Variants in KCTD8 observed in about 807,000 individuals in gnomAD.
KCTD8 encodes potassium channel tetramerization domain containing 8.
In KCTD8, 27 loss-of-function variants were observed where a neutral mutation model predicts 31.5. The observed-to-expected ratio is 0.86, with a 90% CI of 0.63 to 1.18. The LOEUF (loss-of-function observed/expected upper bound fraction) is 1.18, where lower values mean the gene tolerates loss of function less well. KCTD8 is among the 50% of genes most tolerant of loss of function. The pLI, the probability that KCTD8 is intolerant of heterozygous loss-of-function variation, is 0.00. For missense variants in KCTD8, 658 were observed against 647.7 expected (o/e 1.02, Z -0.17); for synonymous variants, 290 against 280.0 (o/e 1.04, Z -0.36).
At chr4:44,374,639 T>C (rs1472202072) in intron 1 of KCTD8, among the ~76,000 whole-genome samples, 2 of 152,164 alleles carry the variant, frequency 1.3e-5, no homozygotes, top group Non-Finnish European at 2.9e-5. Flanking sequence ...GTCAGAGACA[T>C]GTGACTCATT....
intron 1 of KCTD8, among the ~76,000 whole-genome samples, chr4:44,292,980 C>A (rs1316808078): frequency 1.3e-5 from 2 of 151,986 alleles, no homozygotes; most frequent in African/African-American, 4.8e-5. Context: ...CCTTTTCAAG[C>A]CTCCTTGTAA....
intron 1 of KCTD8, among the ~76,000 whole-genome samples, chr4:44,179,254 T>G (rs1267893727): frequency 7.2e-5 from 11 of 151,884 alleles, no homozygotes; most frequent in Non-Finnish European, 1.6e-4. Context: ...CAATGACAAA[T>G]AATATGGGCC....
intron 1 of KCTD8, among the ~76,000 whole-genome samples, chr4:44,373,238 G>A (rs1560438776): frequency 6.6e-6 from 1 of 152,186 alleles, no homozygotes; most frequent in East Asian, 1.9e-4. Flanking sequence ...GTGCATGCCT[G>A]TAGTCCCAGC....
intron 1 of KCTD8, among the ~76,000 whole-genome samples, chr4:44,313,736 C>A (rs546357978): frequency 6.6e-6 from 1 of 152,184 alleles, no homozygotes; most frequent in Non-Finnish European, 1.5e-5. Flanking sequence ...AATAAGAAAC[C>A]TAGTTTAATA....
In KCTD8 at chr4:44,442,091, T is replaced by G. The variant is rs1721824188; in HGVS notation, c.961+5472A>C. Among the ~76,000 whole-genome samples, 3 of 152,236 alleles carry G rather than the reference T, an allele frequency of 2.0e-5. No homozygotes were observed. In the South Asian group the frequency reaches 6.2e-4, roughly 32 times the overall value. On this transcript the variant is annotated intron_variant, in intron 1 of 1. Coordinates refer to ENST00000360029, the MANE Select transcript of KCTD8 (RefSeq NM_198353.3). ...GACTTTTTAAAAATATGTCTTTTTA[T>G]CTATGTGTACACAGAAAAAAGACTG...
intron 1 of KCTD8, among the ~76,000 whole-genome samples, chr4:44,296,868 C>G (rs1305733552): frequency 6.6e-6 from 1 of 151,988 alleles, no homozygotes; most frequent in African/African-American, 2.4e-5. Flanking sequence ...ATTATACTAT[C>G]CTCAGGGTCA....
intron 1 of KCTD8, among the ~76,000 whole-genome samples, chr4:44,380,558 TTTA>T (rs1374760114): frequency 6.6e-6 from 1 of 151,700 alleles, no homozygotes; most frequent in Non-Finnish European, 1.5e-5. Context: ...TTAATATAAT[TTTA>T]TTATTTAAAA....
At chr4:44,229,279 C>A (rs555390516) in intron 1 of KCTD8, among the ~76,000 whole-genome samples, 32 of 152,092 alleles carry the variant, frequency 2.1e-4, no homozygotes, top group Admixed American at 6.5e-5. Context: ...GATTAATTGG[C>A]AGCAGGTGCC....
chr4:44,410,249 G>T lies in KCTD8; in HGVS notation c.961+37314C>A, dbSNP rs61562329. 4.1e-3 allele frequency among the ~76,000 whole-genome samples: 622 copies of T among 152,180 alleles called. 11 individuals are homozygous for T. The highest frequency in any genetic ancestry group is 0.015 in the African/African-American group (612 of 41,512). ...ATTGCCTTCAAAATAAGTATGGCCC[G>T]CTTGTTTGATGGATCTCAACATCAC... is the stretch of plus-strand genomic sequence containing the variant. On this transcript the variant is annotated intron_variant, in intron 1 of 1. Coordinates refer to ENST00000360029, the MANE Select transcript of KCTD8 (RefSeq NM_198353.3).
intron 1 of KCTD8, among the ~76,000 whole-genome samples, chr4:44,266,413 C>G (rs1037838785): frequency 6.6e-6 from 1 of 152,168 alleles, no homozygotes; most frequent in African/African-American, 2.4e-5. Flanking sequence ...TGGAAAGGAA[C>G]AACTGGTACC....
At chr4:44,413,967 T>G (rs1273383180) in intron 1 of KCTD8, among the ~76,000 whole-genome samples, 3 of 152,102 alleles carry the variant, frequency 2.0e-5, no homozygotes, top group Non-Finnish European at 2.9e-5. Flanking sequence ...AGACAAGGAA[T>G]GTGGACAACA....
intron 1 of KCTD8, among the ~76,000 whole-genome samples, chr4:44,386,467 C>A (rs1002767955): frequency 4.6e-5 from 7 of 151,454 alleles, no homozygotes; most frequent in African/African-American, 1.7e-4. Context: ...TCCCAAAAGA[C>A]ATACAAATGG....
At chr4:44,295,764 C>T (rs1196530405) in intron 1 of KCTD8, among the ~76,000 whole-genome samples, 2 of 152,074 alleles carry the variant, frequency 1.3e-5, no homozygotes, top group Non-Finnish European at 2.9e-5. Flanking sequence ...AAAACACCTC[C>T]CAGAGGCTCC....
At chr4:44,287,868 T>C (rs933002727) in intron 1 of KCTD8, among the ~76,000 whole-genome samples, 25 of 152,208 alleles carry the variant, frequency 1.6e-4, no homozygotes, top group Non-Finnish European at 3.5e-4. Context: ...GTGTTTATTA[T>C]GTTTCTGCAT....
intron 1 of KCTD8, among the ~76,000 whole-genome samples, chr4:44,313,717 T>C (rs1366438412): frequency 6.6e-6 from 1 of 152,178 alleles, no homozygotes; most frequent in Non-Finnish European, 1.5e-5. Flanking sequence ...AATGGAGATA[T>C]GATATCCTAA....
At chr4:44,382,703 C>T (rs1255000401) in intron 1 of KCTD8, among the ~76,000 whole-genome samples, 2 of 149,330 alleles carry the variant, frequency 1.3e-5, no homozygotes, top group African/African-American at 4.9e-5. Flanking sequence ...GCATACCAGC[C>T]TGGGCAACAG....
At position 44,300,866 on chromosome 4, in the gene KCTD8, CT is replaced by C. The variant is rs1225664884; in HGVS notation, c.962-125617del. Among the ~76,000 whole-genome samples, 4 of 119,174 alleles carry C rather than the reference CT, an allele frequency of 3.4e-5. No homozygotes were observed. The East Asian group carries it at 1.2e-3, about 37-fold the overall frequency. 78.2% of individuals were successfully genotyped at this position (119,174 alleles called of 152,430 possible). ...TATCTCCCAAAGCTATCCCTCTCCC[CT>C]CCCCCCACCCCACAACAGTCCCCAG... is the stretch of plus-strand genomic sequence containing the variant. On this transcript the variant is annotated intron_variant, in intron 1 of 1. Transcript: ENST00000360029.
chr4:44,201,288 A>T (rs1714142540), intron 1 of KCTD8, among the ~76,000 whole-genome samples: 1 of 152,116 alleles, frequency 6.6e-6, no homozygotes, highest in Non-Finnish European at 1.5e-5. Flanking sequence ...ATCATTTTTC[A>T]CAGAATTAGG....
Position 44,237,398 on chromosome 4 carries a change from G to T in KCTD8, c.962-62148C>A, listed in dbSNP as rs146419750. Among the ~76,000 whole-genome samples, 466 of 152,250 alleles carry T rather than the reference G, an allele frequency of 3.1e-3. 1 individual carries two copies. Among genetic ancestry groups the T allele is most frequent in the Non-Finnish European group, 4.4e-3 (299 of 68,026 alleles). ...TCTGTGGGAAGAACCTCTTAGAACAGACCATGACCCTATGGGTTATTATTT... is the reference window on the plus strand; with the variant it reads ...TCTGTGGGAAGAACCTCTTAGAACATACCATGACCCTATGGGTTATTATTT... On this transcript the variant is annotated intron_variant, in intron 1 of 1. Transcript: ENST00000360029.
Sources: gnomAD v4.1 joint callset for allele counts (sites outside exome capture counted in the v4.1 genomes callset) on GRCh38, gnomAD v4.1.1 for gene constraint, MANE v1.5 for transcripts, NCBI Gene and HGNC (gene_info 2026-07-23, HGNC 2026-07-21) for gene names.